SSH2: variants seen among roughly 807,000 people sequenced by gnomAD.
SSH2 encodes slingshot protein phosphatase 2.
A neutral mutation model predicts 135.2 loss-of-function variants in SSH2; 37 were observed. That is an observed-to-expected ratio of 0.27 (90% confidence interval 0.21 to 0.36). The LOEUF (loss-of-function observed/expected upper bound fraction) is 0.36. Ranked by LOEUF, SSH2 falls within the 10% of genes least tolerant of loss-of-function variation. The pLI is 1.00. For missense variants in SSH2, 1,408 were observed against 1,765.3 expected, an observed-to-expected ratio of 0.80 and a Z score of 3.63; for synonymous variants, 628 against 646.2, an observed-to-expected ratio of 0.97 and a Z score of 0.43.
chr17:29,787,101 C>T (rs928197064), intron 3 of SSH2, among the ~76,000 whole-genome samples: 4 of 152,296 alleles, frequency 2.6e-5, no homozygotes, highest in South Asian at 4.1e-4. Flanking sequence ...CTTTTTTCAT[C>T]TTCCAAAACT....
chr17:29,660,217 A>C (rs933357813), intron 11 of SSH2, among the ~76,000 whole-genome samples: 1 of 151,494 alleles, frequency 6.6e-6, no homozygotes, highest in Non-Finnish European at 1.5e-5. Context: ...TCAAGTTCTG[A>C]CTGCCCTTCC....
chr17:29,722,544 T>C (rs2039858341), intron 3 of SSH2, among the ~76,000 whole-genome samples: 1 of 152,102 alleles, frequency 6.6e-6, no homozygotes, highest in South Asian at 2.1e-4. Flanking sequence ...TGACAAAGTA[T>C]CTGAACTTCT....
intron 3 of SSH2, among the ~76,000 whole-genome samples, chr17:29,756,747 C>T (rs768567833): frequency 1.5e-4 from 23 of 152,008 alleles, no homozygotes; most frequent in Admixed American, 5.2e-4. Flanking sequence ...CTCTGCCTCC[C>T]GGGTTCAAGC....
At chr17:29,684,174 A>G (rs2038105397) in intron 6 of SSH2, among the ~76,000 whole-genome samples, 1 of 152,070 alleles carries the variant, frequency 6.6e-6, no homozygotes, top group South Asian at 2.1e-4. Context: ...ACTGCACAAG[A>G]TATTTTTGTG....
At chr17:29,742,824 G>A (rs552248645) in intron 3 of SSH2, among the ~76,000 whole-genome samples, 23 of 151,850 alleles carry the variant, frequency 1.5e-4, no homozygotes, top group South Asian at 6.2e-4. Context: ...TAGTAGAGAC[G>A]GGGTTTCACC....
intron 6 of SSH2, 90 bp from the exon 7 acceptor site, chr17:29,677,831 C>T: frequency 1.0e-6 from 1 of 970,002 alleles, no homozygotes; most frequent in South Asian, 1.4e-5. Flanking sequence ...CAAGGATAAA[C>T]CCTTAAATTC....
chr17:29,857,291 G>A (rs988698866), intron 1 of SSH2, among the ~76,000 whole-genome samples: 1 of 152,224 alleles, frequency 6.6e-6, no homozygotes, highest in Admixed American at 6.5e-5. Context: ...TACATGGATG[G>A]CAGCAGGTAA....
intron 1 of SSH2, among the ~76,000 whole-genome samples, chr17:29,903,268 T>C (rs562006913): frequency 1.8e-4 from 27 of 147,940 alleles, no homozygotes; most frequent in Non-Finnish European, 8.9e-5. Context: ...TAAAATATAA[T>C]TTCAAAATAT....
chr17:29,834,208 T>C (rs997026252), intron 2 of SSH2, among the ~76,000 whole-genome samples: 7 of 151,980 alleles, frequency 4.6e-5, no homozygotes, highest in African/African-American at 1.7e-4. Flanking sequence ...GATATACAAA[T>C]GGCTCCTCAA....
intron 2 of SSH2, among the ~76,000 whole-genome samples, chr17:29,835,497 C>T (rs2042927565): frequency 6.6e-6 from 1 of 152,188 alleles, no homozygotes. Context: ...TCATCTGACA[C>T]TTCGTAGTCA....
chr17:29,763,961 T>C (rs2041384380), intron 3 of SSH2, among the ~76,000 whole-genome samples: 3 of 151,840 alleles, frequency 2.0e-5, no homozygotes, highest in Non-Finnish European at 4.4e-5. Context: ...TTTTTTTTTT[T>C]TCCCTGAGAC....
intron 3 of SSH2, among the ~76,000 whole-genome samples, chr17:29,707,903 C>G (rs1428515380): frequency 6.6e-6 from 1 of 151,974 alleles, no homozygotes; most frequent in Non-Finnish European, 1.5e-5. Context: ...CTGGATGGTA[C>G]AATCAATCCT....
At chr17:29,804,362 T>A (rs1025497970) in intron 2 of SSH2, among the ~76,000 whole-genome samples, 12 of 152,186 alleles carry the variant, frequency 7.9e-5, no homozygotes, top group Non-Finnish European at 1.8e-4. Flanking sequence ...GTCAGGATGG[T>A]CAGCAACAAG....
intron 12 of SSH2, among the ~76,000 whole-genome samples, chr17:29,655,341 G>A (rs898481966): frequency 1.3e-5 from 2 of 152,122 alleles, no homozygotes; most frequent in Non-Finnish European, 2.9e-5. Flanking sequence ...CCTGACCTGT[G>A]ATCCACCCGC....
At chr17:29,838,114 T>C (rs2042975829) in intron 2 of SSH2, among the ~76,000 whole-genome samples, 1 of 152,264 alleles carries the variant, frequency 6.6e-6, no homozygotes, top group African/African-American at 2.4e-5. Context: ...ACTCTCACTG[T>C]CTGGCTTCTC....
At chr17:29,927,626 C>T (rs2067091405) in intron 1 of SSH2, among the ~76,000 whole-genome samples, 1 of 152,172 alleles carries the variant, frequency 6.6e-6, no homozygotes, top group African/African-American at 2.4e-5. Context: ...AGAGATAGAA[C>T]AGCAAAATAT....
intron 3 of SSH2, among the ~76,000 whole-genome samples, chr17:29,717,320 G>A (rs566913619): frequency 6.6e-6 from 1 of 152,248 alleles, no homozygotes; most frequent in Non-Finnish European, 1.5e-5. Flanking sequence ...ATATTCTATA[G>A]AGATGAGGTC....
intron 2 of SSH2, among the ~76,000 whole-genome samples, chr17:29,838,261 A>C (rs1193632471): frequency 6.6e-6 from 1 of 152,110 alleles, no homozygotes; most frequent in African/African-American, 2.4e-5. Flanking sequence ...CCCTCCACAC[A>C]CTGGGTTTGG....
intron 6 of SSH2, among the ~76,000 whole-genome samples, chr17:29,683,373 A>C (rs1179559912): frequency 6.6e-6 from 1 of 152,190 alleles, no homozygotes; most frequent in Non-Finnish European, 1.5e-5. Context: ...TTCATCATAG[A>C]ATGTAAAGTA....
Sources: allele counts gnomAD v4.1 joint callset (sites outside exome capture counted in the v4.1 genomes callset), GRCh38; gene constraint gnomAD v4.1.1; transcripts MANE v1.5; gene names NCBI Gene and HGNC (gene_info 2026-07-23, HGNC 2026-07-21).